The following ADK variants were observed in gnomAD, a reference collection of about 807,000 sequenced individuals.
The protein encoded by ADK is adenosine kinase.
ADK carries 24 observed loss-of-function variants against 44.7 expected under a neutral mutation model. That is an observed-to-expected ratio of 0.54 (90% CI 0.39 to 0.76). The LOEUF is 0.76. ADK is among the 30% of genes least tolerant of loss of function. The probability of loss-of-function intolerance (pLI) is 0.00; values close to 1 mark genes in which losing one functional copy is unlikely to be tolerated. For missense variants in ADK, 321 were observed against 425.1 expected (o/e 0.76, Z 2.15); for synonymous variants, 128 against 142.6 (o/e 0.90, Z 0.73).
At position 74,283,672 on chromosome 10, in the gene ADK, TTTTC is replaced by T. The variant is rs1188825805; in HGVS notation, c.195-30983_195-30980del. Among the ~76,000 whole-genome samples, 19 of 149,186 alleles carry T rather than the reference TTTTC, an allele frequency of 1.3e-4. No homozygotes were observed. The East Asian group carries it at 3.5e-3, about 28-fold the overall frequency. Reference sequence around the variant, plus strand: ...TTAATGAGACGGAGTTTCGCTCTTGTTTTCTTTCTTTCTTTTTTTTTTTTTTTTG... The same window carrying T: ...TTAATGAGACGGAGTTTCGCTCTTGTTTTCTTTCTTTTTTTTTTTTTTTTG... On this transcript the variant is annotated intron_variant, in intron 3 of 10. Transcript: ENST00000539909.
chr10:74,568,934 A>AC (rs1324817561), intron 7 of ADK, among the ~76,000 whole-genome samples: 1 of 94,142 alleles, frequency 1.1e-5, no homozygotes, highest in Non-Finnish European at 2.1e-5. Flanking sequence ...CCCTCCCCCA[A>AC]CCCCACAACA....
At chr10:74,508,760 G>A (rs997894936) in intron 6 of ADK, among the ~76,000 whole-genome samples, 6 of 151,668 alleles carry the variant, frequency 4.0e-5, no homozygotes, top group Admixed American at 2.6e-4. Flanking sequence ...TCCCACCATG[G>A]GTACTCTTAA....
intron 6 of ADK, among the ~76,000 whole-genome samples, chr10:74,420,982 T>C (rs1184751802): frequency 6.6e-6 from 1 of 152,208 alleles, no homozygotes; most frequent in Non-Finnish European, 1.5e-5. Flanking sequence ...TACATGATAC[T>C]ATGCATTTGT....
At chr10:74,482,202 G>A (rs1007453833) in intron 6 of ADK, among the ~76,000 whole-genome samples, 8 of 152,156 alleles carry the variant, frequency 5.3e-5, no homozygotes, top group African/African-American at 1.9e-4. Flanking sequence ...CAGGAAATGT[G>A]GCTGGGGAGG....
chr10:74,707,104 T>C (rs1194112095), intron 10 of ADK, among the ~76,000 whole-genome samples: 1 of 152,206 alleles, frequency 6.6e-6, no homozygotes, highest in African/African-American at 2.4e-5. Context: ...GATATGATCA[T>C]AGCTAACCAC....
intron 1 of ADK, among the ~76,000 whole-genome samples, chr10:74,167,287 G>A (rs796456358): frequency 3.3e-5 from 5 of 152,330 alleles, no homozygotes; most frequent in African/African-American, 1.2e-4. Flanking sequence ...GATTACAGGC[G>A]TGAGCCACTG....
chr10:74,439,691 T>C (rs1402930173), intron 6 of ADK, among the ~76,000 whole-genome samples: 1 of 152,140 alleles, frequency 6.6e-6, no homozygotes, highest in Admixed American at 6.5e-5. Flanking sequence ...AATATTTTCC[T>C]GAATATACAT....
intron 3 of ADK, among the ~76,000 whole-genome samples, chr10:74,236,944 A>G (rs1302689344): frequency 6.6e-6 from 1 of 152,214 alleles, no homozygotes; most frequent in African/African-American, 2.4e-5. Flanking sequence ...AGCCTTTAGC[A>G]AGTTACAATC....
chr10:74,423,609 G>A (rs1242733498), intron 6 of ADK: 9 of 304,154 alleles, frequency 3.0e-5, no homozygotes, highest in African/African-American at 6.7e-5. Context: ...GTCAACTGTC[G>A]TCGTCTGCAT....
chr10:74,266,446 AC>A (rs796721416), intron 3 of ADK, among the ~76,000 whole-genome samples: 26 of 152,206 alleles, frequency 1.7e-4, no homozygotes, highest in African/African-American at 5.8e-4. Context: ...AATCCCAGCT[AC>A]TCAGGAGGCT....
chr10:74,390,583 T>C (rs1053025776), intron 4 of ADK, among the ~76,000 whole-genome samples: 1 of 152,184 alleles, frequency 6.6e-6, no homozygotes, highest in Non-Finnish European at 1.5e-5. Context: ...ATTCAAGAAA[T>C]TAAGCATTGA....
At chr10:74,292,123 C>T (rs1049327353) in intron 3 of ADK, among the ~76,000 whole-genome samples, 2 of 152,156 alleles carry the variant, frequency 1.3e-5, no homozygotes, top group African/African-American at 4.8e-5. Context: ...ACCTGCCTAC[C>T]TACCTACTTA....
intron 1 of ADK, among the ~76,000 whole-genome samples, chr10:74,194,379 TG>T (rs1339246683): frequency 6.6e-5 from 10 of 152,230 alleles, no homozygotes; most frequent in Admixed American, 6.5e-4. Flanking sequence ...ACTCTGAAAT[TG>T]GCATACATCT....
chr10:74,541,791 C>T (rs1849637321), intron 7 of ADK, among the ~76,000 whole-genome samples: 1 of 51,730 alleles, frequency 1.9e-5, no homozygotes, highest in Admixed American at 1.8e-4. Context: ...AGAACCCCCA[C>T]ACACCCCCCC....
chr10:74,166,279 A>G (rs1364572551), intron 1 of ADK, among the ~76,000 whole-genome samples: 4 of 152,114 alleles, frequency 2.6e-5, no homozygotes, highest in African/African-American at 9.7e-5. Context: ...AGACAAACCA[A>G]TTTTGCTTGT....
At chr10:74,526,076 A>G (rs1229614298) in intron 7 of ADK, among the ~76,000 whole-genome samples, 1 of 152,240 alleles carries the variant, frequency 6.6e-6, no homozygotes, top group Non-Finnish European at 1.5e-5. Flanking sequence ...GACCACAATC[A>G]GGATAAAAAA....
chr10:74,394,810 A>G (rs1343340787), intron 5 of ADK, among the ~76,000 whole-genome samples: 1 of 152,174 alleles, frequency 6.6e-6, no homozygotes, highest in Non-Finnish European at 1.5e-5. Context: ...TTTCTGGCAA[A>G]TAGTAATTCA....
chr10:74,396,690 A>C (rs1239888726), intron 5 of ADK, among the ~76,000 whole-genome samples: 1 of 152,040 alleles, frequency 6.6e-6, no homozygotes, highest in Non-Finnish European at 1.5e-5. Context: ...ATGGCAGCTC[A>C]TGCCTGTAAT....
At chr10:74,431,512 G>T (rs1475732665) in intron 6 of ADK, among the ~76,000 whole-genome samples, 3 of 152,118 alleles carry the variant, frequency 2.0e-5, no homozygotes, top group Non-Finnish European at 4.4e-5. Flanking sequence ...AGGCCGAGGT[G>T]GGCAGATCAC....
Sources: gnomAD v4.1 joint callset for allele counts (sites outside exome capture counted in the v4.1 genomes callset) on GRCh38, gnomAD v4.1.1 for gene constraint, MANE v1.5 for transcripts, NCBI Gene and HGNC (gene_info 2026-07-23, HGNC 2026-07-21) for gene names.